The following AP2A2 variants were observed in gnomAD, a reference collection of about 807,000 sequenced individuals.
AP2A2 encodes AP-2 complex subunit alpha-2.
Under a neutral mutation model 104.2 loss-of-function variants are expected in AP2A2, and 32 were observed. The observed-to-expected ratio is 0.31, with a 90% CI of 0.23 to 0.41. The LOEUF (loss-of-function observed/expected upper bound fraction) is 0.41. AP2A2 is among the 10% of genes least tolerant of loss of function. The probability of loss-of-function intolerance (pLI) is 1.00; values close to 1 mark genes in which losing one functional copy is unlikely to be tolerated. For missense variants in AP2A2, 912 were observed against 1,261.0 expected (o/e 0.72, Z 4.19); for synonymous variants, 539 against 533.3 (o/e 1.01, Z -0.15).
At chr11:946,867 T>G (rs146287731) in intron 1 of AP2A2, 23 of 152,062 alleles carry the variant, frequency 1.5e-4, no homozygotes, top group Middle Eastern at 6.9e-3. Context: ...GAAAGGAATG[T>G]CTCAGGCTGG....
chr11:928,126 G>T (rs1169491289), intron 1 of AP2A2, among the ~76,000 whole-genome samples: 2 of 152,208 alleles, frequency 1.3e-5, no homozygotes, highest in African/African-American at 4.8e-5. Context: ...GCGTTTGACA[G>T]GATGGCGCCT....
Position 946,143 on chromosome 11 carries a change from G to A in AP2A2, c.68-13294G>A, listed in dbSNP as rs555643332. 4.6e-5 allele frequency among the ~76,000 whole-genome samples: 7 copies of A among 152,226 alleles called. No homozygotes were observed. In the East Asian group the frequency reaches 1.2e-3, roughly 25 times the overall value. ...CTGTCAGAACGCGAAATTAACCAAC[G>A]GTTGCGACACTCTGAGGAGCTTTTA... is the stretch of plus-strand genomic sequence containing the variant. On this transcript the variant is annotated intron_variant, in intron 1 of 21. Transcript: ENST00000448903.
In AP2A2 at chr11:947,217, G is replaced by A. The variant is rs150636609; in HGVS notation, c.68-12220G>A. Reference sequence around the variant, plus strand: ...GTAGAGACAGGGTTTTGCCATGTTGGTCAGGCTGGTCTCGAACTCCTGACC... The same window carrying A: ...GTAGAGACAGGGTTTTGCCATGTTGATCAGGCTGGTCTCGAACTCCTGACC... On this transcript the variant is annotated intron_variant, in intron 1 of 21. Transcript: ENST00000448903. 5.9e-3 allele frequency among the ~76,000 whole-genome samples: 902 copies of A among 152,078 alleles called. 9 individuals carry two copies. Among genetic ancestry groups the A allele is most frequent in the African/African-American group, 0.02 (841 of 41,490 alleles).
chr11:993,591 T>C lies in AP2A2; in HGVS notation c.1551-163T>C, dbSNP rs1238380674. ...GACGTGGGGTTGATGGCTGACTTAG[T>C]GAAAGGGGCGTCTTTGCGGTGGGAT... On this transcript the variant is annotated intron_variant, in intron 12 of 21. Transcript: ENST00000448903. The surrounding 1 kb of genome is among the most constrained non-coding windows in gnomAD (Gnocchi z 8.2). 2.0e-5 allele frequency among the ~76,000 whole-genome samples: 3 copies of C among 151,992 alleles called. No homozygotes were observed. Among genetic ancestry groups the C allele is most frequent in the African/African-American group, 7.2e-5 (3 of 41,386 alleles).
At chr11:966,503 A>G (rs1192296407) in intron 2 of AP2A2, among the ~76,000 whole-genome samples, 1 of 152,218 alleles carries the variant, frequency 6.6e-6, no homozygotes, top group Non-Finnish European at 1.5e-5. Flanking sequence ...GTCTCCAGAC[A>G]AAACACTTTA....
intron 2 of AP2A2, among the ~76,000 whole-genome samples, chr11:959,956 G>C (rs955350400): frequency 6.6e-6 from 1 of 152,240 alleles, no homozygotes; most frequent in African/African-American, 2.4e-5. Flanking sequence ...GAATTGTGAA[G>C]TACGGATTTA....
In AP2A2 at chr11:962,001, G is replaced by A. The variant is rs530190291; in HGVS notation, c.136+2496G>A. Among the ~76,000 whole-genome samples, 67 of 151,784 alleles carry A rather than the reference G, an allele frequency of 4.4e-4. 1 individual carries two copies. The East Asian group carries it at 0.011, about 25-fold the overall frequency. ...GTCGCCACCACTAGTGAAAAGTAAA[G>A]GGCGGAAGCAGATGGAGATGTGGGT... On this transcript the variant is annotated intron_variant, in intron 2 of 21. Coordinates refer to ENST00000448903, the MANE Select transcript of AP2A2 (RefSeq NM_012305.4).
intron 1 of AP2A2, among the ~76,000 whole-genome samples, chr11:936,068 A>AT (rs553294994): frequency 0.072 from 9,445 of 131,532 alleles, 375 homozygotes; most frequent in South Asian, 0.097. Flanking sequence ...CGCCTGCCTA[A>AT]TTTTTTTTTT....
chr11:1,008,617 A>G (rs1334781982), intron 18 of AP2A2: 1 of 197,590 alleles, frequency 5.1e-6, no homozygotes, highest in Non-Finnish European at 1.0e-5. Flanking sequence ...CTTTTCAGTG[A>G]CTACAAATAG....
In AP2A2 at chr11:929,904, C is replaced by G. The variant is rs991848851; in HGVS notation, c.67+3816C>G. Among the ~76,000 whole-genome samples the G allele has an allele frequency of 7.9e-5, 12 of 152,114 alleles. No individual in the cohort carries two copies. The South Asian group carries it at 2.5e-3, about 32-fold the overall frequency. Reference sequence around the variant, plus strand: ...TGGGAGGCTGAGGTGGGCGGATCACCTGAGGTCAGGAGTTCAAGACCAGCC... The same window carrying G: ...TGGGAGGCTGAGGTGGGCGGATCACGTGAGGTCAGGAGTTCAAGACCAGCC... On this transcript the variant is annotated intron_variant, in intron 1 of 21. Coordinates refer to ENST00000448903, the MANE Select transcript of AP2A2 (RefSeq NM_012305.4).
intron 2 of AP2A2, among the ~76,000 whole-genome samples, chr11:962,140 G>A (rs1854463769): frequency 6.6e-6 from 1 of 151,556 alleles, no homozygotes; most frequent in Non-Finnish European, 1.5e-5. Context: ...CTCAGCCGTG[G>A]CTCTCAACCT....
In AP2A2 at chr11:972,271, G is replaced by A. The variant is rs780014620; in HGVS notation, c.473+16G>A. 3.2e-6 allele frequency: 5 copies of A among 1,557,320 alleles called. No individual in the cohort carries two copies. In the African/African-American group the frequency reaches 5.4e-5, roughly 17 times the overall value. On this transcript the variant is annotated intron_variant, in intron 4 of 21. Coordinates refer to ENST00000448903, the MANE Select transcript of AP2A2 (RefSeq NM_012305.4). ...TCGTAGCCGGGTATGTGCCGGGCTC[G>A]TGCCGGGCTCCTGCTGAAGATGTGC...
intron 8 of AP2A2, among the ~76,000 whole-genome samples, chr11:986,114 C>T (rs116439466): frequency 0.014 from 2,095 of 152,334 alleles, 44 homozygotes; most frequent in African/African-American, 0.048. Context: ...GTGGGTCTTG[C>T]GTGTGGGGCC....
chr11:996,304 G>C (rs550480187), intron 14 of AP2A2: 1 of 152,412 alleles, frequency 6.6e-6, no homozygotes, highest in East Asian at 1.9e-4. Context: ...TTTCAGCAAG[G>C]GCACTGTGAA....
At chr11:995,322 C>G (rs951348249) in intron 14 of AP2A2, 7 of 455,770 alleles carry the variant, frequency 1.5e-5, no homozygotes, top group Non-Finnish European at 3.1e-5. Flanking sequence ...CAGAATGTGT[C>G]CTGTGGTATT....
At position 992,599 on chromosome 11, in the gene AP2A2, G is replaced by C; in HGVS notation, c.1366G>C (p.Val456Leu). Residue 456 changes from valine (V) to leucine (L), a missense_variant, in exon 11 of 22, where the codon GTG (valine) becomes CTG (leucine). This residue lies in a region of AP2A2 where 21 missense variants were observed against 62.0 expected (regional missense o/e 0.34). Transcript: ENST00000448903. The surrounding 1 kb of genome is among the most constrained non-coding windows in gnomAD (Gnocchi z 6.4). ...LNLIRIAGDY[V>L]SEEVWYRVIQ... is the part of the protein sequence containing the mutation. The stretch of plus-strand genomic sequence containing the variant: ...CTTGATCCGAATTGCTGGTGATTAC[G>C]TGAGTGAAGAGGTGTGGTACCGAGT... 2 of 1,613,994 alleles carry C rather than the reference G, an allele frequency of 1.2e-6. No homozygotes were observed. Among genetic ancestry groups the C allele is most frequent in the Non-Finnish European group, 1.7e-6 (2 of 1,179,898 alleles).
chr11:932,740 G>A (rs1335190009), intron 1 of AP2A2: 3 of 456,296 alleles, frequency 6.6e-6, no homozygotes, highest in South Asian at 3.1e-5. Flanking sequence ...GGACACCCTG[G>A]TTCTCTTCAC....
At chr11:946,128 G>A (rs1471332667) in intron 1 of AP2A2, among the ~76,000 whole-genome samples, 2 of 152,144 alleles carry the variant, frequency 1.3e-5, no homozygotes, top group African/African-American at 2.4e-5. Context: ...CTGTCAGAAC[G>A]CGAAATTAAC....
At chr11:955,765 A>G (rs1032342812) in intron 1 of AP2A2, among the ~76,000 whole-genome samples, 2 of 152,232 alleles carry the variant, frequency 1.3e-5, no homozygotes, top group Admixed American at 1.3e-4. Flanking sequence ...GCAAATGTGT[A>G]GTAAAAGACA....
Sources: gnomAD v4.1 joint callset for allele counts (sites outside exome capture counted in the v4.1 genomes callset) on GRCh38, gnomAD v4.1.1 for gene constraint, gnomAD v4.1.1 regional missense constraint, Gnocchi (gnomAD v3.1) non-coding constraint, MANE v1.5 for transcripts, NCBI Gene and HGNC (gene_info 2026-07-23, HGNC 2026-07-21) for gene names.